PARD3B: variants seen among roughly 807,000 people sequenced by gnomAD.
PARD3B encodes the protein partitioning defective 3 homolog B.
A neutral mutation model predicts 130.2 loss-of-function variants in PARD3B; 103 were observed. The observed-to-expected ratio is 0.79, with a 90% CI of 0.67 to 0.93. The LOEUF (loss-of-function observed/expected upper bound fraction) is 0.93. Ranked by LOEUF, PARD3B falls within the 40% of genes least tolerant of loss-of-function variation. The pLI is 0.00. For synonymous variants in PARD3B, 583 were observed against 553.2 expected, an observed-to-expected ratio of 1.05 and a Z score of -0.76; for missense variants, 1,609 against 1,499.2, an observed-to-expected ratio of 1.07 and a Z score of -1.21.
Position 205,224,164 on chromosome 2 carries a change from T to C in PARD3B, c.2141-21614T>C, listed in dbSNP as rs552091629. Among the ~76,000 whole-genome samples, 16 of 150,082 alleles carry C rather than the reference T, an allele frequency of 1.1e-4. No individual in the cohort carries two copies. The East Asian group carries it at 3.0e-3, about 28-fold the overall frequency. On this transcript the variant is annotated intron_variant, in intron 15 of 22. Transcript: ENST00000406610. ...GCAGGCGGATCATGAGGTCAGGAGATTGAGACCATCCTGGAGAACATGGTT... is the reference window on the plus strand; with the variant it reads ...GCAGGCGGATCATGAGGTCAGGAGACTGAGACCATCCTGGAGAACATGGTT...
intron 21 of PARD3B, among the ~76,000 whole-genome samples, chr2:205,515,187 C>T (rs541655308): frequency 1.9e-4 from 29 of 149,940 alleles, no homozygotes; most frequent in South Asian, 4.3e-4. Flanking sequence ...TTCTTTTTTA[C>T]GGCTGCATAG....
chr2:205,288,894 G>C lies in PARD3B; in HGVS notation c.2186-11636G>C, dbSNP rs2041499045. 6.6e-6 allele frequency among the ~76,000 whole-genome samples: 1 copy of C among 152,168 alleles called. No homozygotes were observed. Among genetic ancestry groups the C allele is most frequent in the Admixed American group, 6.5e-5 (1 of 15,272 alleles). On this transcript the variant is annotated intron_variant, in intron 16 of 22. Coordinates refer to ENST00000406610, the MANE Select transcript of PARD3B (RefSeq NM_001302769.2). The surrounding 1 kb of genome is among the most constrained non-coding windows in gnomAD (Gnocchi z 4.0). ...ACTTCTGCAAGCCTAAAATACTCCAGCCCTTAACTGTGCTCTATGTCAGCA... is the reference window on the plus strand; with the variant it reads ...ACTTCTGCAAGCCTAAAATACTCCACCCCTTAACTGTGCTCTATGTCAGCA...
chr2:205,287,195 A>G lies in PARD3B; in HGVS notation c.2186-13335A>G, dbSNP rs2041428222. Among the ~76,000 whole-genome samples, 1 of 152,226 alleles carries G rather than the reference A, an allele frequency of 6.6e-6. No individual in the cohort carries two copies. Among genetic ancestry groups the G allele is most frequent in the South Asian group, 2.1e-4 (1 of 4,838 alleles). ...GACCTGAGCAGAAACAACTGGTGGT[A>G]ACATGGATTGTTATGTGGATGAGAG... On this transcript the variant is annotated intron_variant, in intron 16 of 22. Transcript: ENST00000406610. This position sits in a 1 kb window ranked among gnomAD's most constrained non-coding sequence, Gnocchi z 4.8.
chr2:205,321,014 T>C lies in PARD3B; in HGVS notation c.2630+19313T>C, dbSNP rs912570383. On this transcript the variant is annotated intron_variant, in intron 18 of 22. Transcript: ENST00000406610. This position sits in a 1 kb window ranked among gnomAD's most constrained non-coding sequence, Gnocchi z 4.2. ...TCTCTTACTAGTGTAAAATTATTTT[T>C]TGTTCCCTTTCCATAGTTCTCCCTA... is the stretch of plus-strand genomic sequence containing the variant. Among the ~76,000 whole-genome samples, 1 of 152,240 alleles carries C rather than the reference T, an allele frequency of 6.6e-6. No homozygotes were observed.
intron 2 of PARD3B, among the ~76,000 whole-genome samples, chr2:204,792,883 A>G (rs1282424806): frequency 6.6e-6 from 1 of 151,858 alleles, no homozygotes; most frequent in Non-Finnish European, 1.5e-5. Flanking sequence ...TACTGAACAT[A>G]ATAATAAGGC....
intron 22 of PARD3B, among the ~76,000 whole-genome samples, chr2:205,605,091 T>A (rs763292025): frequency 6.6e-6 from 1 of 152,232 alleles, no homozygotes; most frequent in Non-Finnish European, 1.5e-5. Flanking sequence ...CTGGTTATTC[T>A]GGTTAACAGC....
At chr2:204,708,299 G>A (rs1382180920) in intron 2 of PARD3B, among the ~76,000 whole-genome samples, 1 of 152,078 alleles carries the variant, frequency 6.6e-6, no homozygotes, top group Non-Finnish European at 1.5e-5. Context: ...TGCCCAGCTG[G>A]AGACATATTT....
chr2:204,926,884 CTG>C (rs2125766357), intron 2 of PARD3B, among the ~76,000 whole-genome samples: 1 of 152,106 alleles, frequency 6.6e-6, no homozygotes, highest in African/African-American at 2.4e-5. Context: ...AATATGTAAA[CTG>C]TGACATCTAA....
At chr2:204,727,735 A>G (rs1480232644) in intron 2 of PARD3B, among the ~76,000 whole-genome samples, 1 of 152,206 alleles carries the variant, frequency 6.6e-6, no homozygotes, top group Admixed American at 6.5e-5. Context: ...AAGGAGAAAC[A>G]GACCCAAGTG....
chr2:204,723,815 T>G (rs2039102613), intron 2 of PARD3B, among the ~76,000 whole-genome samples: 1 of 152,098 alleles, frequency 6.6e-6, no homozygotes, highest in South Asian at 2.1e-4. Context: ...CCAAGTAAGA[T>G]ATTTGAGGAA....
intron 19 of PARD3B, among the ~76,000 whole-genome samples, chr2:205,431,624 C>T (rs1247856912): frequency 6.6e-6 from 1 of 151,870 alleles, no homozygotes; most frequent in Non-Finnish European, 1.5e-5. Context: ...CGTCTACCAC[C>T]ACGCTCAGCT....
intron 2 of PARD3B, among the ~76,000 whole-genome samples, chr2:204,910,544 T>C (rs10197159): frequency 0.23 from 34,334 of 152,190 alleles, 4,426 homozygotes; most frequent in Non-Finnish European, 0.29. Flanking sequence ...AATAAAAAGT[T>C]TGGATGAGCC....
At chr2:205,013,914 G>A (rs1695922363) in intron 3 of PARD3B, among the ~76,000 whole-genome samples, 1 of 152,144 alleles carries the variant, frequency 6.6e-6, no homozygotes, top group Non-Finnish European at 1.5e-5. Context: ...GAGAACCAAG[G>A]TGTCACCCTA....
At chr2:205,379,903 A>G (rs2045246501) in intron 18 of PARD3B, among the ~76,000 whole-genome samples, 1 of 151,194 alleles carries the variant, frequency 6.6e-6, no homozygotes, top group Non-Finnish European at 1.5e-5. Flanking sequence ...CCCCGTGTCT[A>G]CTAAAAATAT....
intron 4 of PARD3B, among the ~76,000 whole-genome samples, chr2:205,049,609 C>A (rs927860514): frequency 6.6e-6 from 1 of 152,124 alleles, no homozygotes; most frequent in Non-Finnish European, 1.5e-5. Context: ...AAGATGACAT[C>A]AATGTTACTT....
intron 15 of PARD3B, among the ~76,000 whole-genome samples, chr2:205,217,894 A>ATAT (rs1559553191): frequency 3.2e-4 from 10 of 31,070 alleles, no homozygotes; most frequent in Admixed American, 1.3e-3. Flanking sequence ...ATATATATAT[A>ATAT]TTTTTTTTTT....
chr2:204,641,790 C>G (rs2035086574), intron 1 of PARD3B, among the ~76,000 whole-genome samples: 2 of 152,140 alleles, frequency 1.3e-5, no homozygotes, highest in South Asian at 4.1e-4. Context: ...TACCAGTTGT[C>G]ACAATGATTT....
chr2:204,591,203 A>C (rs2033060214), intron 1 of PARD3B, among the ~76,000 whole-genome samples: 1 of 152,214 alleles, frequency 6.6e-6, no homozygotes, highest in South Asian at 2.1e-4. Flanking sequence ...AAATAATTCT[A>C]AGTGTGCATG....
intron 2 of PARD3B, among the ~76,000 whole-genome samples, chr2:204,810,632 C>T (rs1360730179): frequency 1.3e-5 from 2 of 151,886 alleles, no homozygotes; most frequent in African/African-American, 4.8e-5. Flanking sequence ...GTATGTTGAA[C>T]CAACCTTGCA....
Sources: allele counts gnomAD v4.1 joint callset (sites outside exome capture counted in the v4.1 genomes callset), GRCh38; gene constraint gnomAD v4.1.1; non-coding constraint Gnocchi (gnomAD v3.1); transcripts MANE v1.5; gene names NCBI Gene and HGNC (gene_info 2026-07-23, HGNC 2026-07-21).